Variants in C20orf203 observed in about 807,000 individuals in gnomAD.
C20orf203 encodes uncharacterized protein C20orf203.
A neutral mutation model predicts 15.9 loss-of-function variants in C20orf203; 16 were observed. The observed-to-expected ratio is 1.01, with a 90% CI of 0.68 to 1.53. The LOEUF (loss-of-function observed/expected upper bound fraction) is 1.53. Ranked by LOEUF, C20orf203 falls within the 40% of genes most tolerant of loss-of-function variation. The probability of loss-of-function intolerance (pLI) is 0.00; values close to 1 mark genes in which losing one functional copy is unlikely to be tolerated. For missense variants in C20orf203, 263 were observed against 247.5 expected (o/e 1.06, Z -0.42); for synonymous variants, 98 against 97.2 (o/e 1.01, Z -0.05).
Position 32,651,134 on chromosome 20 carries a change from A to G in C20orf203, c.19T>C (p.Leu7=). The G allele has an allele frequency of 1.1e-6, 1 of 927,252 alleles. No homozygotes were observed. The highest frequency in any genetic ancestry group is 1.6e-6 in the Non-Finnish European group (1 of 630,448). The allele number at this position is 927,252 out of a possible 1,614,324, so 57.4% of individuals were successfully genotyped here. The part of the protein sequence containing the change: MFPRPV[L]NSRAQAILLP... ...AGAATCGCTTGAGCCCGGGAGTTCA[A>G]GACAGGCCTAGGAAACATAGGAGAC... The change falls in exon 3 of 6, where the codon TTG becomes CTG. Residue 7 remains leucine, a synonymous_variant. Coordinates refer to ENST00000608990, the MANE Select transcript of C20orf203 (RefSeq NM_182584.4).
rs777684329 is a variant in C20orf203, at chr20:32,662,952, G to GTTTT, written c.-264+10676_-264+10679dup. Among the ~76,000 whole-genome samples the GTTTT allele has an allele frequency of 1.9e-3, 253 of 131,902 alleles. 9 individuals are homozygous for GTTTT. The highest frequency in any genetic ancestry group is 4.2e-3 in the African/African-American group (146 of 34,844). The allele number at this position is 131,902 out of a possible 152,430, so 86.5% of individuals were successfully genotyped here. On this transcript the variant is annotated intron_variant, in intron 1 of 5. Transcript: ENST00000608990. ...ATATAGATAGATAGATATAAATATA[G>GTTTT]TTTTTTTTTTTTTTGAGACAGAGTC...
chr20:32,667,683 T>C (rs1983067092), intron 1 of C20orf203, among the ~76,000 whole-genome samples: 1 of 152,176 alleles, frequency 6.6e-6, no homozygotes, highest in Admixed American at 6.5e-5. Flanking sequence ...AAATCTTTTA[T>C]TTTTTTAGAC....
intron 1 of C20orf203, among the ~76,000 whole-genome samples, chr20:32,665,452 C>G (rs2145681479): frequency 6.6e-6 from 1 of 152,288 alleles, no homozygotes; most frequent in Non-Finnish European, 1.5e-5. Flanking sequence ...CAGGAAAGGG[C>G]TTTTGGAGAC....
At chr20:32,652,548 A>C (rs930495307) in intron 1 of C20orf203, among the ~76,000 whole-genome samples, 3 of 151,364 alleles carry the variant, frequency 2.0e-5, no homozygotes, top group African/African-American at 7.3e-5. Flanking sequence ...TTTTTTGGGA[A>C]GTTCTGGGTG....
chr20:32,660,144 C>T (rs2145678368), intron 1 of C20orf203, among the ~76,000 whole-genome samples: 1 of 152,302 alleles, frequency 6.6e-6, no homozygotes, highest in South Asian at 2.1e-4. Flanking sequence ...CTGTCCTGTA[C>T]AGGGCAGCCC....
intron 1 of C20orf203, among the ~76,000 whole-genome samples, chr20:32,671,840 C>CAAAA (rs869043468): frequency 4.5e-5 from 3 of 66,298 alleles, no homozygotes; most frequent in African/African-American, 6.6e-5. Flanking sequence ...ACTCTGTCTC[C>CAAAA]AAAAAAAAAA....
intron 4 of C20orf203, among the ~76,000 whole-genome samples, chr20:32,641,697 T>G (rs1428920030): frequency 6.6e-6 from 1 of 152,226 alleles, no homozygotes; most frequent in African/African-American, 2.4e-5. Flanking sequence ...GTGGTTTTGA[T>G]CTGTATCTCT....
intron 4 of C20orf203, 123 bp from the exon 5 acceptor site, chr20:32,640,810 C>T (rs1982261517): frequency 6.6e-6 from 1 of 152,218 alleles, no homozygotes; most frequent in African/African-American, 2.4e-5. Flanking sequence ...CCAGAACCCC[C>T]CTCTCCAGAC....
intron 1 of C20orf203, among the ~76,000 whole-genome samples, chr20:32,668,302 T>C (rs1185097135): frequency 2.0e-5 from 3 of 152,122 alleles, no homozygotes; most frequent in Non-Finnish European, 4.4e-5. Context: ...ACAGCAAACC[T>C]GAAGCACAGC....
At chr20:32,653,700 T>C (rs2145674194) in intron 1 of C20orf203, among the ~76,000 whole-genome samples, 1 of 152,302 alleles carries the variant, frequency 6.6e-6, no homozygotes, top group East Asian at 1.9e-4. Context: ...CGACTTGTAT[T>C]CAACACTGTA....
At chr20:32,646,098 A>G (rs1429679955) in intron 4 of C20orf203, among the ~76,000 whole-genome samples, 1 of 150,632 alleles carries the variant, frequency 6.6e-6, no homozygotes, top group African/African-American at 2.4e-5. Flanking sequence ...GCTTTCTCCA[A>G]TTTAAAACAG....
intron 3 of C20orf203, 55 bp downstream of exon 3, chr20:32,650,963 C>T: frequency 6.9e-7 from 1 of 1,442,052 alleles, no homozygotes. Flanking sequence ...TCCCTAATTT[C>T]CCAACAGTCC....
intron 5 of C20orf203, among the ~76,000 whole-genome samples, chr20:32,636,162 C>T (rs113498920): frequency 8.7e-4 from 132 of 152,324 alleles, no homozygotes; most frequent in Non-Finnish European, 1.9e-3. Context: ...GGGGAAGGAC[C>T]TGCCTTACCT....
chr20:32,645,120 G>C (rs1389658075), intron 4 of C20orf203, among the ~76,000 whole-genome samples: 1 of 152,104 alleles, frequency 6.6e-6, no homozygotes, highest in Non-Finnish European at 1.5e-5. Flanking sequence ...GCCCCTAACA[G>C]CCTGGCCCAC....
chr20:32,641,520 T>C lies in C20orf203; in HGVS notation c.*1178-833A>G, dbSNP rs1009409054. On this transcript the variant is annotated intron_variant, in intron 4 of 5. Coordinates refer to ENST00000608990, the MANE Select transcript of C20orf203 (RefSeq NM_182584.4). ...TTCTGGGTCAAATGATAATTCTATGTTTAAACTTTTGAGAATGTGCCAGAC... is the reference window on the plus strand; with the variant it reads ...TTCTGGGTCAAATGATAATTCTATGCTTAAACTTTTGAGAATGTGCCAGAC... Among the ~76,000 whole-genome samples, 8 of 152,302 alleles carry C rather than the reference T, an allele frequency of 5.3e-5. No homozygotes were observed. The South Asian group carries it at 8.3e-4, about 16-fold the overall frequency.
At chr20:32,662,119 A>T (rs902745673) in intron 1 of C20orf203, among the ~76,000 whole-genome samples, 1 of 152,224 alleles carries the variant, frequency 6.6e-6, no homozygotes, top group Admixed American at 6.5e-5. Flanking sequence ...ACGCAGGATG[A>T]TGGCACCCAA....
chr20:32,642,911 C>T (rs941434554), intron 4 of C20orf203, among the ~76,000 whole-genome samples: 6 of 152,102 alleles, frequency 3.9e-5, no homozygotes, highest in African/African-American at 1.4e-4. Flanking sequence ...TGGAGACAAC[C>T]AGAGTGAGAA....
At chr20:32,644,841 G>A (rs1461961507) in intron 4 of C20orf203, among the ~76,000 whole-genome samples, 2 of 151,986 alleles carry the variant, frequency 1.3e-5, no homozygotes, top group African/African-American at 4.8e-5. Context: ...CATGCATCGT[G>A]TACCTGTATG....
At chr20:32,636,321 C>T (rs1982137253) in intron 5 of C20orf203, among the ~76,000 whole-genome samples, 1 of 152,210 alleles carries the variant, frequency 6.6e-6, no homozygotes, top group African/African-American at 2.4e-5. Flanking sequence ...TTTTCTCTCT[C>T]TCTTTGTCTT....
Sources: allele counts gnomAD v4.1 joint callset (sites outside exome capture counted in the v4.1 genomes callset), GRCh38; gene constraint gnomAD v4.1.1; transcripts MANE v1.5; gene names NCBI Gene and HGNC (gene_info 2026-07-23, HGNC 2026-07-21).